The following GLIS3 variants were observed in gnomAD, a reference collection of about 807,000 sequenced individuals.
GLIS3 encodes the protein zinc finger protein GLIS3.
A neutral mutation model predicts 78.6 loss-of-function variants in GLIS3; 53 were observed. The ratio of observed to expected loss-of-function variants is 0.67; its 90% confidence interval spans 0.54 to 0.85. The LOEUF (loss-of-function observed/expected upper bound fraction) is 0.85, where lower values mean the gene tolerates loss of function less well. GLIS3 is among the 40% of genes least tolerant of loss of function. The probability of loss-of-function intolerance (pLI) is 0.00; values close to 1 mark genes in which losing one functional copy is unlikely to be tolerated. For missense variants in GLIS3, 1,703 were observed against 1,231.1 expected, an observed-to-expected ratio of 1.38 and a Z score of -5.74; for synonymous variants, 684 against 509.9, an observed-to-expected ratio of 1.34 and a Z score of -4.60.
chr9:4,290,574 C>T (rs569002354), intron 1 of GLIS3, among the ~76,000 whole-genome samples: 51 of 152,190 alleles, frequency 3.4e-4, no homozygotes, highest in African/African-American at 8.7e-4. Flanking sequence ...TTCTCATGCA[C>T]GGCTGCAGTG....
intron 2 of GLIS3, among the ~76,000 whole-genome samples, chr9:4,340,499 C>T (rs1350139879): frequency 1.3e-5 from 2 of 152,094 alleles, no homozygotes; most frequent in African/African-American, 2.4e-5. Flanking sequence ...CATCCTCCAT[C>T]CCTGTTCTCC....
At chr9:4,246,122 A>T (rs1587129300) in intron 2 of GLIS3, among the ~76,000 whole-genome samples, 1 of 152,286 alleles carries the variant, frequency 6.6e-6, no homozygotes, top group Non-Finnish European at 1.5e-5. Context: ...CATGCCTGTA[A>T]TCCCAGCACT....
At chr9:4,360,924 G>A in the GLIS3 span, among the ~76,000 whole-genome samples, 6 of 152,178 alleles carry the variant, frequency 3.9e-5, no homozygotes, top group African/African-American at 1.4e-4. Context: ...AATATCTGAT[G>A]GCATTATTTC....
intron 4 of GLIS3, among the ~76,000 whole-genome samples, chr9:4,090,724 A>G (rs17273930): frequency 0.23 from 34,747 of 152,188 alleles, 4,275 homozygotes; most frequent in Non-Finnish European, 0.28. Flanking sequence ...TAGCTCCCTC[A>G]TAAGGCCCAG....
chr9:4,044,124 G>A (rs1283807729), intron 4 of GLIS3, among the ~76,000 whole-genome samples: 4 of 152,168 alleles, frequency 2.6e-5, no homozygotes, highest in African/African-American at 9.7e-5. Context: ...AACCTTCTGA[G>A]GATGCCCATC....
At chr9:4,187,997 C>T (rs1218234437) in intron 2 of GLIS3, among the ~76,000 whole-genome samples, 1 of 152,054 alleles carries the variant, frequency 6.6e-6, no homozygotes, top group Non-Finnish European at 1.5e-5. Context: ...TTTCCTTCTC[C>T]TTCCTAAATG....
chr9:4,328,510 T>C (rs1283447664), intron 2 of GLIS3, among the ~76,000 whole-genome samples: 1 of 151,964 alleles, frequency 6.6e-6, no homozygotes, highest in Admixed American at 6.6e-5. Flanking sequence ...TAAACCATAA[T>C]CCCCTGACAG....
chr9:4,096,521 CTTACTGAAT>C (rs776033180), intron 4 of GLIS3, among the ~76,000 whole-genome samples: 8 of 152,098 alleles, frequency 5.3e-5, no homozygotes, highest in Non-Finnish European at 1.2e-4. Context: ...TGGTGGAGTC[CTTACTGAAT>C]TTACTTAAAG....
At chr9:4,029,836 T>C (rs1021745217) in intron 4 of GLIS3, among the ~76,000 whole-genome samples, 3 of 152,214 alleles carry the variant, frequency 2.0e-5, no homozygotes, top group Non-Finnish European at 4.4e-5. Flanking sequence ...TTTTAATCCA[T>C]TCATCCGTTG....
At chr9:4,450,137 G>A in the GLIS3 span, among the ~76,000 whole-genome samples, 3 of 152,150 alleles carry the variant, frequency 2.0e-5, no homozygotes, top group Non-Finnish European at 4.4e-5. Flanking sequence ...AATAAACAGT[G>A]TAGAGAAGAC....
intron 2 of GLIS3, among the ~76,000 whole-genome samples, chr9:4,275,887 T>C (rs1191092719): frequency 6.6e-6 from 1 of 152,218 alleles, no homozygotes; most frequent in Non-Finnish European, 1.5e-5. Flanking sequence ...TCTCATAGGA[T>C]GCTGCCTTTA....
chr9:4,263,908 T>C (rs1222238479), intron 2 of GLIS3, among the ~76,000 whole-genome samples: 2 of 152,192 alleles, frequency 1.3e-5, no homozygotes, highest in South Asian at 2.1e-4. Flanking sequence ...GGCTCAGTTA[T>C]TGGCCATTTT....
At chr9:3,884,971 C>T (rs558706893) in intron 7 of GLIS3, among the ~76,000 whole-genome samples, 1 of 152,196 alleles carries the variant, frequency 6.6e-6, no homozygotes, top group Non-Finnish European at 1.5e-5. Context: ...AAACAACACA[C>T]AAGCAGCTGT....
intron 2 of GLIS3, among the ~76,000 whole-genome samples, chr9:4,316,336 A>C (rs10739046): frequency 0.48 from 72,468 of 152,118 alleles, 19,538 homozygotes; most frequent in African/African-American, 0.75. Context: ...TAAAATACAT[A>C]TTCATTTTTT....
At chr9:3,915,624 G>C (rs1326478562) in intron 6 of GLIS3, among the ~76,000 whole-genome samples, 5 of 152,144 alleles carry the variant, frequency 3.3e-5, no homozygotes, top group Admixed American at 3.3e-4. Context: ...AGGCTCAGCG[G>C]TCTGCTGTGT....
chr9:4,064,478 G>T (rs1826926461), intron 4 of GLIS3, among the ~76,000 whole-genome samples: 1 of 152,036 alleles, frequency 6.6e-6, no homozygotes. Flanking sequence ...ATTTTCTATG[G>T]GGTTCTGCAA....
At chr9:4,405,006 CA>C in the GLIS3 span, among the ~76,000 whole-genome samples, 1 of 151,932 alleles carries the variant, frequency 6.6e-6, no homozygotes, top group South Asian at 2.1e-4. Flanking sequence ...AGGGGAGACC[CA>C]AATGAATAAA....
Position 4,065,990 on chromosome 9 carries a change from A to C in GLIS3, c.1710+51778T>G, listed in dbSNP as rs192628137. On this transcript the variant is annotated intron_variant, in intron 4 of 10. Coordinates refer to ENST00000381971, the MANE Select transcript of GLIS3 (RefSeq NM_001042413.2). ...GTGAAAAGGTGGTATAACCATAAAT[A>C]TATCGCTCTGCCTCCTTCCAACATC... Among the ~76,000 whole-genome samples, 168 of 151,286 alleles carry C rather than the reference A, an allele frequency of 1.1e-3. 1 individual carries two copies. The highest frequency in any genetic ancestry group is 3.7e-3 in the African/African-American group (151 of 41,350).
At chr9:3,900,284 C>A (rs1176887990) in intron 6 of GLIS3, among the ~76,000 whole-genome samples, 1 of 150,786 alleles carries the variant, frequency 6.6e-6, no homozygotes, top group Non-Finnish European at 1.5e-5. Flanking sequence ...TTTTTACTTG[C>A]TGAATTATCA....
Sources: allele counts gnomAD v4.1 joint callset (sites outside exome capture counted in the v4.1 genomes callset), GRCh38; gene constraint gnomAD v4.1.1; transcripts MANE v1.5; gene names NCBI Gene and HGNC (gene_info 2026-07-23, HGNC 2026-07-21).